Variants in MCCC2 observed in about 807,000 individuals in gnomAD.
MCCC2 encodes methylcrotonyl-CoA carboxylase subunit 2, also known as methylcrotonoyl-CoA carboxylase beta chain, mitochondrial.
In MCCC2, 52 loss-of-function variants were observed where a neutral mutation model predicts 77.2. That is an observed-to-expected ratio of 0.67 (90% CI 0.54 to 0.85). MCCC2 has a LOEUF of 0.85. Among genes scored for constraint, MCCC2 ranks in the 40% least tolerant of loss-of-function variants. MCCC2 has a pLI of 0.00. For synonymous variants in MCCC2, 253 were observed against 248.4 expected (o/e 1.02, Z -0.18); for missense variants, 682 against 703.2 (o/e 0.97, Z 0.34).
intron 8 of MCCC2, among the ~76,000 whole-genome samples, chr5:71,633,326 G>C (rs277983): frequency 0.3 from 45,862 of 150,726 alleles, 8,017 homozygotes; most frequent in East Asian, 0.52. Flanking sequence ...ATTATGTTAA[G>C]GGTGTAGATT....
chr5:71,647,956 G>C (rs962576333), intron 13 of MCCC2, among the ~76,000 whole-genome samples: 4 of 152,060 alleles, frequency 2.6e-5, no homozygotes, highest in African/African-American at 4.8e-5. Context: ...CGGGTTGGGT[G>C]GGGTGAGAAC....
chr5:71,633,224 G>A (rs370504874), intron 8 of MCCC2, among the ~76,000 whole-genome samples: 2 of 149,832 alleles, frequency 1.3e-5, no homozygotes, highest in East Asian at 2.0e-4. Flanking sequence ...TTGCCCTTCC[G>A]AAGTGCTGGG....
In MCCC2 at chr5:71,633,127, A is replaced by ATTTTTTTT. The variant is rs1440841730; in HGVS notation, c.803+943_803+944insTTTTTTTT. Among the ~76,000 whole-genome samples the ATTTTTTTT allele has an allele frequency of 2.1e-3, 132 of 63,760 alleles. 5 individuals are homozygous for ATTTTTTTT. Among genetic ancestry groups the ATTTTTTTT allele is most frequent in the South Asian group, 0.014 (26 of 1,832 alleles). 41.8% of individuals were successfully genotyped at this position (63,760 alleles called of 152,430 possible). ...TATATATATATATATATATATATAT[A>ATTTTTTTT]TATATTTTTATTTTTTGTAGAAACA... is the stretch of plus-strand genomic sequence containing the variant. On this transcript the variant is annotated intron_variant, in intron 8 of 16. Transcript: ENST00000340941.
chr5:71,643,777 G>A, intron 11 of MCCC2, 42 bp from the exon 12 acceptor site: 2 of 1,613,896 alleles, frequency 1.2e-6, no homozygotes, highest in South Asian at 1.1e-5. Context: ...GAAGCCCTTG[G>A]AAAAGCACAA....
chr5:71,630,404 A>G (rs1033404331), intron 7 of MCCC2, among the ~76,000 whole-genome samples: 2 of 151,834 alleles, frequency 1.3e-5, no homozygotes, highest in Middle Eastern at 3.5e-3. Flanking sequence ...TTTGACTTCT[A>G]TCATCTTTGC....
chr5:71,610,274 G>A (rs926860997), intron 6 of MCCC2, among the ~76,000 whole-genome samples: 6 of 152,222 alleles, frequency 3.9e-5, no homozygotes, highest in Admixed American at 6.5e-5. Context: ...CTCCTGGTGC[G>A]CCGTTTTTTA....
At chr5:71,643,999 A>C in intron 12 of MCCC2, 104 bp downstream of exon 12, 1 of 1,389,352 alleles carries the variant, frequency 7.2e-7, no homozygotes, top group Non-Finnish European at 1.0e-6. Context: ...GCTTAACTAG[A>C]TGCCTCAGCA....
intron 6 of MCCC2, among the ~76,000 whole-genome samples, chr5:71,618,304 G>T (rs1019738339): frequency 1.3e-5 from 2 of 152,212 alleles, no homozygotes; most frequent in East Asian, 3.9e-4. Flanking sequence ...CTATCATTGT[G>T]GGAGTTTGGC....
At chr5:71,594,527 CAA>C (rs113897050) in intron 2 of MCCC2, among the ~76,000 whole-genome samples, 4 of 123,236 alleles carry the variant, frequency 3.2e-5, no homozygotes, top group Admixed American at 8.4e-5. Flanking sequence ...AATTCCGTCT[CAA>C]AAAAAAAAAA....
At chr5:71,618,531 TC>T (rs371882835) in intron 6 of MCCC2, among the ~76,000 whole-genome samples, 1 of 61,062 alleles carries the variant, frequency 1.6e-5, no homozygotes, top group Non-Finnish European at 3.7e-5. Flanking sequence ...CTTCCTTCCT[TC>T]CTTCCTTCCT....
At chr5:71,596,481 G>A in intron 3 of MCCC2, 117 bp downstream of exon 3, 1 of 951,564 alleles carries the variant, frequency 1.1e-6, no homozygotes, top group Non-Finnish European at 1.7e-6. Context: ...TCAGGAACAT[G>A]TGTTTATTGA....
intron 6 of MCCC2, among the ~76,000 whole-genome samples, chr5:71,608,994 C>G (rs1189881675): frequency 6.6e-6 from 1 of 152,002 alleles, no homozygotes; most frequent in African/African-American, 2.4e-5. Flanking sequence ...TCTGGCTGCC[C>G]TTAACATTTT....
At chr5:71,621,164 T>C (rs947089059) in intron 6 of MCCC2, among the ~76,000 whole-genome samples, 1 of 152,132 alleles carries the variant, frequency 6.6e-6, no homozygotes, top group Non-Finnish European at 1.5e-5. Flanking sequence ...TTAATGCTGT[T>C]TGGCCCTGGG....
intron 1 of MCCC2, among the ~76,000 whole-genome samples, chr5:71,592,549 C>T: frequency 6.6e-6 from 1 of 152,072 alleles, no homozygotes; most frequent in Middle Eastern, 3.4e-3. Context: ...AGCTTATATT[C>T]CTTAAAATAG....
intron 15 of MCCC2, 140 bp from the exon 16 acceptor site, chr5:71,652,529 T>A: frequency 1.4e-6 from 1 of 734,390 alleles, no homozygotes; most frequent in Non-Finnish European, 2.4e-6. Flanking sequence ...TAATGATCAC[T>A]TGTAATTTAT....
chr5:71,624,370 CTTTCTT>C (rs1370840746), intron 6 of MCCC2, among the ~76,000 whole-genome samples: 1 of 152,072 alleles, frequency 6.6e-6, no homozygotes, highest in Non-Finnish European at 1.5e-5. Flanking sequence ...TTCTTTCTTC[CTTTCTT>C]TTTCTTTTTC....
chr5:71,634,817 A>G (rs1219856995), intron 8 of MCCC2, 126 bp from the exon 9 acceptor site: 2 of 822,448 alleles, frequency 2.4e-6, no homozygotes, highest in Non-Finnish European at 2.0e-6. Context: ...AAAGATGACA[A>G]ATTTTTTAAG....
At chr5:71,609,348 A>T (rs1745822595) in intron 6 of MCCC2, among the ~76,000 whole-genome samples, 1 of 151,962 alleles carries the variant, frequency 6.6e-6, no homozygotes, top group African/African-American at 2.4e-5. Context: ...CCTTTCTTAC[A>T]GTTGATCGCT....
Position 71,634,968 on chromosome 5 carries a change from G to C in MCCC2, c.829G>C (p.Ala277Pro). The C allele has an allele frequency of 6.2e-7, 1 of 1,614,092 alleles. No homozygotes were observed. Among genetic ancestry groups the C allele is most frequent in the Non-Finnish European group, 8.5e-7 (1 of 1,180,026 alleles). The change falls in exon 9 of 17, where the codon GCT becomes CCT. Residue 277 changes from alanine (A) to proline (P), a missense_variant. Ala to Pro is a conservative substitution (Grantham distance 27). Coordinates refer to ENST00000340941, the MANE Select transcript of MCCC2 (RefSeq NM_022132.5). ...AAAGTCTGGAGTAAGTGACCACTGG[G>C]CTTTGGATGATCATCATGCCCTTCA... ...CRKSGVSDHWALDDHHALHLT... is the reference protein window; with the variant it reads ...CRKSGVSDHWPLDDHHALHLT...
Sources: gnomAD v4.1 joint callset for allele counts (sites outside exome capture counted in the v4.1 genomes callset) on GRCh38, gnomAD v4.1.1 for gene constraint, MANE v1.5 for transcripts, NCBI Gene and HGNC (gene_info 2026-07-23, HGNC 2026-07-21) for gene names.